NAALADL2: variants seen among roughly 807,000 people sequenced by gnomAD.
The protein encoded by NAALADL2 is N-acetylated alpha-linked acidic dipeptidase like 2, also known as inactive N-acetylated-alpha-linked acidic dipeptidase-like protein 2.
A neutral mutation model predicts 87.2 loss-of-function variants in NAALADL2; 76 were observed. That is an observed-to-expected ratio of 0.87 (90% CI 0.72 to 1.05). The LOEUF is 1.05. Among genes scored for constraint, NAALADL2 ranks in the 50% least tolerant of loss-of-function variants. The probability of loss-of-function intolerance (pLI) is 0.00; values close to 1 mark genes in which losing one functional copy is unlikely to be tolerated. For missense variants in NAALADL2, 1,089 were observed against 945.8 expected, an observed-to-expected ratio of 1.15 and a Z score of -1.99; for synonymous variants, 354 against 331.0, an observed-to-expected ratio of 1.07 and a Z score of -0.75.
At chr3:175,135,158 TA>T (rs1318839968) in intron 2 of NAALADL2, among the ~76,000 whole-genome samples, 55 of 152,170 alleles carry the variant, frequency 3.6e-4, no homozygotes, top group African/African-American at 1.3e-3. Flanking sequence ...CGTTTATGCT[TA>T]AAATCGCTGT....
At chr3:175,220,303 A>G (rs1743165001) in intron 2 of NAALADL2, among the ~76,000 whole-genome samples, 1 of 146,054 alleles carries the variant, frequency 6.8e-6, no homozygotes. Flanking sequence ...TCTTTTTGAA[A>G]TATGTAAAAC....
At chr3:175,241,068 A>G (rs1746780710) in intron 3 of NAALADL2, among the ~76,000 whole-genome samples, 1 of 152,210 alleles carries the variant, frequency 6.6e-6, no homozygotes, top group Non-Finnish European at 1.5e-5. Context: ...AGTGTGAGAT[A>G]AATGACTGTG....
At chr3:175,224,116 G>A (rs1319898575) in intron 2 of NAALADL2, among the ~76,000 whole-genome samples, 1 of 152,084 alleles carries the variant, frequency 6.6e-6, no homozygotes, top group East Asian at 1.9e-4. Flanking sequence ...AACCTGCAGA[G>A]GTGGGGACCA....
intron 2 of NAALADL2, among the ~76,000 whole-genome samples, chr3:174,590,632 A>G (rs1717262056): frequency 6.6e-6 from 1 of 152,202 alleles, no homozygotes; most frequent in African/African-American, 2.4e-5. Context: ...TCCTTTCAGT[A>G]GTAAAACATT....
chr3:175,151,558 T>A (rs905820545), intron 2 of NAALADL2, among the ~76,000 whole-genome samples: 7 of 152,190 alleles, frequency 4.6e-5, no homozygotes, highest in African/African-American at 1.7e-4. Context: ...TTAATGTGAA[T>A]GTAGGTCAGA....
At chr3:175,551,755 G>A (rs1013862954) in intron 9 of NAALADL2, among the ~76,000 whole-genome samples, 13 of 151,870 alleles carry the variant, frequency 8.6e-5, no homozygotes, top group African/African-American at 1.5e-4. Context: ...AAAATTAGCC[G>A]GGCATGTTGG....
At chr3:175,087,240 G>T (rs1403416321) in intron 1 of NAALADL2, among the ~76,000 whole-genome samples, 1 of 152,046 alleles carries the variant, frequency 6.6e-6, no homozygotes, top group Non-Finnish European at 1.5e-5. Context: ...AGGAAGGTGG[G>T]GGGCAGCCCC....
At chr3:175,119,379 C>A (rs1024069951) in intron 2 of NAALADL2, among the ~76,000 whole-genome samples, 1 of 151,506 alleles carries the variant, frequency 6.6e-6, no homozygotes, top group Non-Finnish European at 1.5e-5. Flanking sequence ...GAGGCAGGAA[C>A]AAATAATATT....
chr3:175,740,135 A>T (rs1745041396), intron 12 of NAALADL2, among the ~76,000 whole-genome samples: 1 of 152,184 alleles, frequency 6.6e-6, no homozygotes, highest in Non-Finnish European at 1.5e-5. Context: ...ATAATAGAAA[A>T]ACAAGCGAAT....
chr3:174,972,275 A>AT, intron 1 of NAALADL2, among the ~76,000 whole-genome samples: 1 of 152,044 alleles, frequency 6.6e-6, no homozygotes, highest in African/African-American at 2.4e-5. Flanking sequence ...ACCTACCATT[A>AT]TTTTTTCTTG....
intron 11 of NAALADL2, among the ~76,000 whole-genome samples, chr3:175,725,445 G>T (rs914629683): frequency 9.9e-5 from 15 of 152,028 alleles, no homozygotes; most frequent in African/African-American, 3.1e-4. Flanking sequence ...AGGAAAGCAG[G>T]ATCTACAGAC....
intron 12 of NAALADL2, among the ~76,000 whole-genome samples, chr3:175,747,248 G>C (rs1317350): frequency 0.19 from 28,190 of 151,962 alleles, 3,185 homozygotes; most frequent in African/African-American, 0.32. Context: ...TCACAATTTG[G>C]TGCTATTCAC....
chr3:175,296,601 T>C (rs1283658344), intron 4 of NAALADL2, among the ~76,000 whole-genome samples: 4 of 152,094 alleles, frequency 2.6e-5, no homozygotes, highest in Non-Finnish European at 5.9e-5. Flanking sequence ...TTTTGGGAGA[T>C]ATATTTATTC....
chr3:174,450,869 C>CAAAAAAAAAAAA (rs761513802), intron 1 of NAALADL2, among the ~76,000 whole-genome samples: 11 of 74,888 alleles, frequency 1.5e-4, no homozygotes, highest in African/African-American at 3.0e-4. Context: ...GACTCTGTCT[C>CAAAAAAAAAAAA]AAAAAAAAAA....
intron 10 of NAALADL2, among the ~76,000 whole-genome samples, chr3:175,582,560 T>C (rs930661520): frequency 5.3e-5 from 8 of 152,188 alleles, no homozygotes; most frequent in Non-Finnish European, 1.2e-4. Flanking sequence ...ATAAACCATG[T>C]TATAAAATTG....
At chr3:175,701,857 T>C (rs1739044644) in intron 11 of NAALADL2, among the ~76,000 whole-genome samples, 1 of 152,220 alleles carries the variant, frequency 6.6e-6, no homozygotes, top group Admixed American at 6.5e-5. Context: ...TAACACTGCA[T>C]TCCATTTTTC....
At chr3:174,901,437 G>A (rs1732291336) in intron 1 of NAALADL2, among the ~76,000 whole-genome samples, 1 of 152,096 alleles carries the variant, frequency 6.6e-6, no homozygotes, top group African/African-American at 2.4e-5. Flanking sequence ...CATGAAGTAG[G>A]CTTTAGGATA....
intron 5 of NAALADL2, among the ~76,000 whole-genome samples, chr3:175,404,819 T>C (rs986400735): frequency 1.3e-5 from 2 of 152,184 alleles, no homozygotes; most frequent in South Asian, 2.1e-4. Context: ...CTACTATCCA[T>C]GTGGTGAGAT....
At chr3:174,597,870 A>G (rs1041184583) in intron 2 of NAALADL2, among the ~76,000 whole-genome samples, 9 of 152,208 alleles carry the variant, frequency 5.9e-5, no homozygotes, top group African/African-American at 1.9e-4. Flanking sequence ...CACAGCTCAT[A>G]TATCAGACAC....
Sources: allele counts gnomAD v4.1 joint callset (sites outside exome capture counted in the v4.1 genomes callset), GRCh38; gene constraint gnomAD v4.1.1; transcripts MANE v1.5; gene names NCBI Gene and HGNC (gene_info 2026-07-23, HGNC 2026-07-21).